Variants in CUL5 observed in about 807,000 individuals in gnomAD.
CUL5 encodes cullin 5, also known as cullin-5.
Under a neutral mutation model 108.8 loss-of-function variants are expected in CUL5, and 26 were observed. The ratio of observed to expected loss-of-function variants is 0.24; its 90% CI spans 0.18 to 0.33. The LOEUF is 0.33. Among genes scored for constraint, CUL5 ranks in the 10% least tolerant of loss-of-function variants. The pLI is 1.00. For missense variants in CUL5, 524 were observed against 909.2 expected, an observed-to-expected ratio of 0.58 and a Z score of 5.45; for synonymous variants, 334 against 298.0, an observed-to-expected ratio of 1.12 and a Z score of -1.25.
chr11:108,063,965 T>A (rs574623335), intron 7 of CUL5, among the ~76,000 whole-genome samples: 2 of 152,236 alleles, frequency 1.3e-5, no homozygotes, highest in African/African-American at 4.8e-5. Flanking sequence ...GTAGGTAATA[T>A]CATCTGCAAA....
At chr11:108,074,410 G>A (rs569963677) in intron 10 of CUL5, among the ~76,000 whole-genome samples, 3 of 151,612 alleles carry the variant, frequency 2.0e-5, no homozygotes, top group African/African-American at 7.2e-5. Flanking sequence ...GGCCAGGCTG[G>A]TCTCGAACTC....
Position 108,071,091 on chromosome 11 carries a change from T to G in CUL5, c.874+902T>G, listed in dbSNP as rs181540954. On this transcript the variant is annotated intron_variant, in intron 8 of 18. Coordinates refer to ENST00000393094, the MANE Select transcript of CUL5 (RefSeq NM_003478.6). Reference sequence around the variant, plus strand: ...AAAAAGTGCTTTGTAAATTGAAAAATTATTTATGAATACAGTTTTATATTC... The same window carrying G: ...AAAAAGTGCTTTGTAAATTGAAAAAGTATTTATGAATACAGTTTTATATTC... Among the ~76,000 whole-genome samples the G allele has an allele frequency of 1.8e-4, 28 of 152,326 alleles. No individual in the cohort carries two copies. In the East Asian group the frequency reaches 5.4e-3, roughly 29 times the overall value.
chr11:108,018,601 C>T (rs372343538), intron 1 of CUL5, among the ~76,000 whole-genome samples: 1 of 151,824 alleles, frequency 6.6e-6, no homozygotes, highest in South Asian at 2.1e-4. Context: ...CTTGAACCCA[C>T]GAGGCAGAGG....
At chr11:108,028,839 TAAA>T (rs1862509687) in intron 1 of CUL5, among the ~76,000 whole-genome samples, 1 of 151,980 alleles carries the variant, frequency 6.6e-6, no homozygotes, top group Non-Finnish European at 1.5e-5. Context: ...AAATAAAAAA[TAAA>T]AAAGATTATG....
In CUL5 at chr11:108,052,112, C is replaced by A. The variant is rs11212497; in HGVS notation, c.412-548C>A. On this transcript the variant is annotated intron_variant, in intron 4 of 18. Coordinates refer to ENST00000393094, the MANE Select transcript of CUL5 (RefSeq NM_003478.6). ...TCCCAAGTAGCTGGGACTACAGGCACATGCCAGCATGCCTAGCAAATTTTT... is the reference window on the plus strand; with the variant it reads ...TCCCAAGTAGCTGGGACTACAGGCAAATGCCAGCATGCCTAGCAAATTTTT... Among the ~76,000 whole-genome samples, 508 of 152,080 alleles carry A rather than the reference C, an allele frequency of 3.3e-3. 5 individuals carry two copies. Among genetic ancestry groups the A allele is most frequent in the Non-Finnish European group, 5.8e-3 (394 of 67,966 alleles).
rs538677426 is a variant in CUL5, at chr11:108,054,829, A to G, written c.699+37A>G. 4.4e-6 allele frequency: 7 copies of G among 1,602,016 alleles called. No homozygotes were observed. The South Asian group carries it at 6.8e-5, about 16-fold the overall frequency. ...CTTAGTATATGTGATAATTTGAGCAATTCCCTTGATATTCTTAAAATGATT... is the reference window on the plus strand; with the variant it reads ...CTTAGTATATGTGATAATTTGAGCAGTTCCCTTGATATTCTTAAAATGATT... On this transcript the variant is annotated intron_variant, in intron 6 of 18. Transcript: ENST00000393094.
Position 108,022,190 on chromosome 11 carries a change from A to T in CUL5, c.25-11612A>T, listed in dbSNP as rs181609966. Among the ~76,000 whole-genome samples the T allele has an allele frequency of 1.1e-4, 17 of 152,188 alleles. No individual in the cohort carries two copies. In the East Asian group the frequency reaches 3.1e-3, roughly 28 times the overall value. On this transcript the variant is annotated intron_variant, in intron 1 of 18. Transcript: ENST00000393094. ...GCCATAATATTGTTTCTATAATTTG[A>T]TGTGGTATGTTTTGTCCCAGGCGTT...
chr11:108,033,937 C>G, intron 2 of CUL5, 26 bp downstream of exon 2: 1 of 1,431,418 alleles, frequency 7.0e-7, no homozygotes, highest in Admixed American at 1.9e-5. Flanking sequence ...ATTCTGTTTG[C>G]TAGCATAAAG....
At chr11:108,083,977 A>C (rs1864163457) in intron 11 of CUL5, among the ~76,000 whole-genome samples, 1 of 152,054 alleles carries the variant, frequency 6.6e-6, no homozygotes, top group African/African-American at 2.4e-5. Context: ...ACATTATGAG[A>C]TTTTTTGGCG....
chr11:108,050,107 A>G (rs1863174110), intron 4 of CUL5, 41 bp downstream of exon 4: 6 of 1,484,404 alleles, frequency 4.0e-6, no homozygotes, highest in Non-Finnish European at 4.5e-6. Flanking sequence ...TATTCTTCAG[A>G]AAGAGGGTAA....
chr11:108,009,444 C>G, intron 1 of CUL5, 72 bp downstream of exon 1: 4 of 1,531,352 alleles, frequency 2.6e-6, no homozygotes, highest in Non-Finnish European at 2.7e-6. Flanking sequence ...AGGCACGGCT[C>G]AGGTTCAGCT....
chr11:108,036,270 T>C (rs1862741048), intron 2 of CUL5, among the ~76,000 whole-genome samples: 1 of 152,180 alleles, frequency 6.6e-6, no homozygotes, highest in African/African-American at 2.4e-5. Flanking sequence ...TTTATTCTGC[T>C]CCCAATACTC....
chr11:108,068,681 A>T (rs1863751114), intron 7 of CUL5, among the ~76,000 whole-genome samples: 1 of 152,152 alleles, frequency 6.6e-6, no homozygotes, highest in Admixed American at 6.6e-5. Flanking sequence ...ATTGTACTTA[A>T]CTTTAGTCCT....
rs566745126 is a variant in CUL5, at chr11:108,100,326, T to C, written c.2148+1797T>C. The stretch of plus-strand genomic sequence containing the variant: ...GGGAGGCCGAGGTGGGCAGATTGCC[T>C]GAGGTCAGGAGTTCAAGACCAGCCT... On this transcript the variant is annotated intron_variant, in intron 18 of 18. Transcript: ENST00000393094. Among the ~76,000 whole-genome samples, 594 of 151,424 alleles carry C rather than the reference T, an allele frequency of 3.9e-3. 3 individuals carry two copies. Among genetic ancestry groups the C allele is most frequent in the Admixed American group, 7.1e-3 (108 of 15,250 alleles).
chr11:108,075,394 T>C (rs1359600615), intron 10 of CUL5, among the ~76,000 whole-genome samples: 2 of 152,204 alleles, frequency 1.3e-5, no homozygotes, highest in East Asian at 3.8e-4. Flanking sequence ...GCAACACATA[T>C]TTCTGCAGTT....
At chr11:108,067,253 T>C (rs942053380) in intron 7 of CUL5, among the ~76,000 whole-genome samples, 1 of 152,244 alleles carries the variant, frequency 6.6e-6, no homozygotes, top group South Asian at 2.1e-4. Flanking sequence ...ATACCTGTTA[T>C]AATAATTTGT....
At chr11:108,077,465 A>G (rs963684956) in intron 10 of CUL5, among the ~76,000 whole-genome samples, 3 of 152,048 alleles carry the variant, frequency 2.0e-5, no homozygotes, top group African/African-American at 4.8e-5. Flanking sequence ...CCCTGTCTCT[A>G]TTAAAAATAC....
At chr11:108,027,883 A>T (rs947951288) in intron 1 of CUL5, among the ~76,000 whole-genome samples, 1 of 152,092 alleles carries the variant, frequency 6.6e-6, no homozygotes, top group African/African-American at 2.4e-5. Flanking sequence ...TTTCTGACAC[A>T]CTTTATTTAC....
chr11:108,068,762 G>C (rs1011085495), intron 7 of CUL5, among the ~76,000 whole-genome samples: 4 of 152,138 alleles, frequency 2.6e-5, no homozygotes, highest in Admixed American at 2.6e-4. Context: ...GAGCAGAGAT[G>C]ACATGATATC....
Sources: allele counts gnomAD v4.1 joint callset (sites outside exome capture counted in the v4.1 genomes callset), GRCh38; gene constraint gnomAD v4.1.1; transcripts MANE v1.5; gene names NCBI Gene and HGNC (gene_info 2026-07-23, HGNC 2026-07-21).